ZNF883: variants seen among roughly 807,000 people sequenced by gnomAD.
ZNF883 encodes the protein zinc finger protein 883.
At chr9:112,996,789 TCAAAAAAAAAAAAAAA>T (rs1463511892), downstream of ZNF883, among the ~76,000 whole-genome samples, 9 of 28,302 alleles carry the variant, frequency 3.2e-4, no homozygotes, top group East Asian at 4.6e-3. Flanking sequence ...AGACTCCGTC[TCAAAAAAAAAAAAAAA>T]AAAAAAAAAA....
downstream of ZNF883, among the ~76,000 whole-genome samples, chr9:112,995,866 T>C (rs1178930620): frequency 1.3e-5 from 2 of 152,164 alleles, no homozygotes; most frequent in African/African-American, 4.8e-5. Flanking sequence ...ATTTTCTTAC[T>C]CTTGGATTTT....
At chr9:113,008,166 C>A (rs1339190134) in intron 2 of ZNF883, among the ~76,000 whole-genome samples, 7 of 152,178 alleles carry the variant, frequency 4.6e-5, no homozygotes, top group Admixed American at 4.6e-4. Flanking sequence ...AAGTGGAAAG[C>A]CTCATGTTTA....
upstream of ZNF883, chr9:112,998,571 TAAAC>T (rs1302933534): frequency 2.4e-5 from 5 of 206,788 alleles, no homozygotes; most frequent in African/African-American, 4.6e-5. Flanking sequence ...ATTCCAGAAA[TAAAC>T]AATTCATAAC....
At chr9:113,001,054 G>GA (rs1311413086), upstream of ZNF883, among the ~76,000 whole-genome samples, 1 of 152,052 alleles carries the variant, frequency 6.6e-6, no homozygotes, top group Admixed American at 6.5e-5. Context: ...AAACACAGCA[G>GA]AAAGTCTGAA....
At chr9:112,996,213 G>A (rs1828352688), downstream of ZNF883, among the ~76,000 whole-genome samples, 1 of 151,990 alleles carries the variant, frequency 6.6e-6, no homozygotes, top group South Asian at 2.1e-4. Context: ...AAATTAGGGA[G>A]GGCCTGAATA....
chr9:113,011,837 A>C (rs951198612), intron 1 of ZNF883, among the ~76,000 whole-genome samples: 3 of 152,092 alleles, frequency 2.0e-5, no homozygotes, highest in Non-Finnish European at 4.4e-5. Context: ...GCAAGGCCCA[A>C]AAGCTCTGAG....
chr9:112,991,928 G>A (rs75199936), intron 1 of ZNF883, among the ~76,000 whole-genome samples: 74 of 152,106 alleles, frequency 4.9e-4, no homozygotes, highest in African/African-American at 1.7e-3. Context: ...CTTTCCATTT[G>A]TTTGGTAAAT....
intron 2 of ZNF883, among the ~76,000 whole-genome samples, chr9:113,004,722 T>G (rs1210272401): frequency 6.6e-6 from 1 of 151,432 alleles, no homozygotes; most frequent in Non-Finnish European, 1.5e-5. Flanking sequence ...AGTATTCTGT[T>G]ACAGTAGCCC....
exon 1 of ZNF883, chr9:112,998,193 TG>T (rs767753462): frequency 3.7e-6 from 6 of 1,613,838 alleles, no homozygotes; most frequent in Non-Finnish European, 5.1e-6. Flanking sequence ...GCAAGACAAG[TG>T]TAGCCTTTCC....
chr9:113,009,446 G>A (rs375771896), intron 2 of ZNF883, among the ~76,000 whole-genome samples: 2 of 151,858 alleles, frequency 1.3e-5, no homozygotes, highest in Non-Finnish European at 2.9e-5. Flanking sequence ...ATTTGCTGTT[G>A]CTTCTGCTGA....
intron 1 of ZNF883, among the ~76,000 whole-genome samples, chr9:112,989,270 T>G (rs1169590757): frequency 6.6e-6 from 1 of 152,134 alleles, no homozygotes; most frequent in African/African-American, 2.4e-5. Context: ...GGTTTTAAAG[T>G]CTTTAATCCA....
At chr9:112,993,830 T>C (rs2118601693), downstream of ZNF883, among the ~76,000 whole-genome samples, 1 of 152,366 alleles carries the variant, frequency 6.6e-6, no homozygotes, top group South Asian at 2.1e-4. Context: ...AGTCTGGTTA[T>C]AACCTTTTAT....
intron 2 of ZNF883, among the ~76,000 whole-genome samples, chr9:113,004,860 G>A (rs765526484): frequency 9.9e-5 from 15 of 151,022 alleles, no homozygotes; most frequent in Non-Finnish European, 2.9e-5. Flanking sequence ...TAGTGGCACA[G>A]GGATAGACTG....
At chr9:112,999,097 A>C (rs367811698), upstream of ZNF883, 13 of 152,350 alleles carry the variant, frequency 8.5e-5, 1 homozygote, top group Admixed American at 3.3e-4. Context: ...CTGACTTCAG[A>C]TATAGTATCC....
upstream of ZNF883, among the ~76,000 whole-genome samples, chr9:113,001,786 TA>T (rs1277258583): frequency 1.3e-5 from 2 of 152,178 alleles, no homozygotes; most frequent in Non-Finnish European, 2.9e-5. Flanking sequence ...ATGTCCTAAG[TA>T]GTCTTCAGGA....
Position 113,005,526 on chromosome 9 carries a change from G to C in ZNF883, n.166-3453C>G, listed in dbSNP as rs536647329. 8.5e-5 allele frequency among the ~76,000 whole-genome samples: 13 copies of C among 152,184 alleles called. No homozygotes were observed. The East Asian group carries it at 2.5e-3, about 29-fold the overall frequency. On this transcript the variant is annotated intron_variant and non_coding_transcript_variant, in intron 2 of 4. Coordinates refer to the ZNF883 transcript ENST00000638622. Reference sequence around the variant, plus strand: ...AGTATTCAGTACTGTTTTAAGTATTGGGAAAATGGCTGCTCTCATATACTC... The same window carrying C: ...AGTATTCAGTACTGTTTTAAGTATTCGGAAAATGGCTGCTCTCATATACTC...
At chr9:112,998,676 T>A, upstream of ZNF883, 1 of 154,386 alleles carries the variant, frequency 6.5e-6, no homozygotes, top group South Asian at 2.0e-4. Flanking sequence ...CTTTGTCTGG[T>A]GTATCTACAC....
intron 1 of ZNF883, among the ~76,000 whole-genome samples, chr9:112,988,507 G>A (rs773276690): frequency 3.3e-4 from 50 of 152,036 alleles, no homozygotes; most frequent in Middle Eastern, 6.8e-3. Context: ...ATAATATTCC[G>A]TTTTCTTTAT....
chr9:113,010,767 C>T (rs1246466153), intron 2 of ZNF883, among the ~76,000 whole-genome samples: 1 of 152,082 alleles, frequency 6.6e-6, no homozygotes, highest in African/African-American at 2.4e-5. Flanking sequence ...GTGGGCAGAT[C>T]ACGAGGTCAG....
Sources: allele counts gnomAD v4.1 joint callset (sites outside exome capture counted in the v4.1 genomes callset), GRCh38; gene constraint gnomAD v4.1.1; transcripts MANE v1.5; gene names NCBI Gene and HGNC (gene_info 2026-07-23, HGNC 2026-07-21).